ITPR1: variants seen among roughly 807,000 people sequenced by gnomAD.
ITPR1 encodes the protein inositol 1,4,5-trisphosphate receptor type 1.
Under a neutral mutation model 318.4 loss-of-function variants are expected in ITPR1, and 96 were observed. That is an observed-to-expected ratio of 0.30 (90% CI 0.26 to 0.36). The LOEUF (loss-of-function observed/expected upper bound fraction) is 0.36, where lower values mean the gene tolerates loss of function less well. Ranked by LOEUF, ITPR1 falls within the 10% of genes least tolerant of loss-of-function variation. The pLI is 1.00. For synonymous variants in ITPR1, 1,312 were observed against 1,289.9 expected (o/e 1.02, Z -0.37); for missense variants, 2,440 against 3,460.2 (o/e 0.71, Z 7.40).
At chr3:4,783,411 G>A (rs2046960615) in intron 50 of ITPR1, among the ~76,000 whole-genome samples, 1 of 152,104 alleles carries the variant, frequency 6.6e-6, no homozygotes, top group African/African-American at 2.4e-5. Context: ...TGGGCCCGAG[G>A]TTGGTGGGCC....
chr3:4,586,126 C>T (rs1041069516), intron 4 of ITPR1, among the ~76,000 whole-genome samples: 10 of 152,182 alleles, frequency 6.6e-5, no homozygotes, highest in Non-Finnish European at 1.2e-4. Context: ...CATAGTATTC[C>T]ATGGTGTATA....
intron 4 of ITPR1, among the ~76,000 whole-genome samples, chr3:4,527,470 C>T (rs2083074552): frequency 6.6e-6 from 1 of 152,208 alleles, no homozygotes; most frequent in South Asian, 2.1e-4. Context: ...CCACTGCACC[C>T]TGCCACACTT....
intron 13 of ITPR1, among the ~76,000 whole-genome samples, chr3:4,660,699 C>T (rs1374398763): frequency 2.0e-5 from 3 of 152,100 alleles, no homozygotes; most frequent in Non-Finnish European, 4.4e-5. Flanking sequence ...TCCTGTTGCT[C>T]TGTCTCATGC....
chr3:4,577,385 C>G (rs1371929870), intron 4 of ITPR1, among the ~76,000 whole-genome samples: 3 of 152,182 alleles, frequency 2.0e-5, no homozygotes, highest in Non-Finnish European at 4.4e-5. Context: ...TTCTGTAGGT[C>G]TAGAATAAAA....
chr3:4,712,698 T>G (rs961083745), intron 39 of ITPR1, among the ~76,000 whole-genome samples: 2 of 152,240 alleles, frequency 1.3e-5, no homozygotes, highest in Non-Finnish European at 2.9e-5. Flanking sequence ...AAATCGATGG[T>G]GGCAACCAGA....
chr3:4,551,345 C>G (rs1575502257), intron 4 of ITPR1, among the ~76,000 whole-genome samples: 1 of 152,282 alleles, frequency 6.6e-6, no homozygotes, highest in South Asian at 2.1e-4. Flanking sequence ...CTGGCCCTCA[C>G]TTTTGGTGCT....
chr3:4,700,531 G>A (rs1160963363), intron 35 of ITPR1, among the ~76,000 whole-genome samples: 5 of 152,182 alleles, frequency 3.3e-5, no homozygotes, highest in Admixed American at 2.0e-4. Context: ...GACCTGGAGA[G>A]AACACAAATA....
At chr3:4,652,633 A>C (rs914620103) in intron 11 of ITPR1, among the ~76,000 whole-genome samples, 1 of 152,188 alleles carries the variant, frequency 6.6e-6, no homozygotes, top group Admixed American at 6.5e-5. Context: ...CTTATAAAGA[A>C]ATTTGGCTAC....
At chr3:4,783,771 T>C in intron 50 of ITPR1, 45 bp from the exon 51 acceptor site, 1 of 1,389,118 alleles carries the variant, frequency 7.2e-7, no homozygotes, top group East Asian at 2.4e-5. Flanking sequence ...GTGTTCCTGT[T>C]GTGAAGAGAC....
At chr3:4,786,183 C>T (rs571223875) in intron 51 of ITPR1, among the ~76,000 whole-genome samples, 2 of 152,312 alleles carry the variant, frequency 1.3e-5, no homozygotes, top group African/African-American at 4.8e-5. Flanking sequence ...ATGAAGCAGG[C>T]AGGCTCTTGA....
chr3:4,650,645 GCGCGCGTC>G (rs2093575918), intron 10 of ITPR1, among the ~76,000 whole-genome samples: 19 of 51,662 alleles, frequency 3.7e-4, no homozygotes, highest in South Asian at 1.2e-3. Flanking sequence ...GTGTGTGTGT[GCGCGCGTC>G]TGTCTGTGTC....
intron 47 of ITPR1, among the ~76,000 whole-genome samples, chr3:4,776,372 G>C (rs530324086): frequency 2.6e-5 from 4 of 152,292 alleles, no homozygotes; most frequent in Non-Finnish European, 1.5e-5. Flanking sequence ...GCCCAGCCAA[G>C]TATGTTTTTT....
chr3:4,674,086 A>G, intron 21 of ITPR1, 116 bp from the exon 22 acceptor site: 1 of 728,188 alleles, frequency 1.4e-6, no homozygotes, highest in Non-Finnish European at 2.2e-6. Flanking sequence ...AAAATAAAGT[A>G]GGGTCAAGGG....
chr3:4,824,544 T>C (rs1008220741), intron 60 of ITPR1, among the ~76,000 whole-genome samples: 3 of 152,178 alleles, frequency 2.0e-5, no homozygotes, highest in African/African-American at 7.2e-5. Flanking sequence ...AGCCATTGGC[T>C]GGCTGGCGGC....
chr3:4,702,961 A>G lies in ITPR1; in HGVS notation c.4657+11A>G, dbSNP rs766917619. 5 of 1,613,042 alleles carry G rather than the reference A, an allele frequency of 3.1e-6. No individual in the cohort carries two copies. The East Asian group carries it at 1.1e-4, about 36-fold the overall frequency. ...TGCTGTCTGATGTAGGTAAGATACCAAGTCAGTTTGGATATACGTGATGAA... is the reference window on the plus strand; with the variant it reads ...TGCTGTCTGATGTAGGTAAGATACCGAGTCAGTTTGGATATACGTGATGAA... On this transcript the variant is annotated intron_variant, in intron 36 of 61. Transcript: ENST00000649015.
chr3:4,676,943 T>C (rs764303343), intron 24 of ITPR1, 142 bp downstream of exon 24: 87 of 630,976 alleles, frequency 1.4e-4, no homozygotes, highest in Admixed American at 3.5e-4. Flanking sequence ...GTGTCATTTA[T>C]GAGCTGGCTC....
chr3:4,556,540 A>T (rs1168232446), intron 4 of ITPR1, among the ~76,000 whole-genome samples: 1 of 150,914 alleles, frequency 6.6e-6, no homozygotes, highest in African/African-American at 2.4e-5. Flanking sequence ...TTTTTCCAGA[A>T]TGTGATAATG....
At chr3:4,514,771 G>C (rs1474027043) in intron 2 of ITPR1, among the ~76,000 whole-genome samples, 1 of 152,178 alleles carries the variant, frequency 6.6e-6, no homozygotes. Flanking sequence ...CTGACTTCCT[G>C]ACCCTTTAAG....
At chr3:4,584,451 T>C (rs938027529) in intron 4 of ITPR1, among the ~76,000 whole-genome samples, 1 of 152,098 alleles carries the variant, frequency 6.6e-6, no homozygotes, top group African/African-American at 2.4e-5. Flanking sequence ...AAGATAGTTA[T>C]ATTCTTTCTG....
Sources: gnomAD v4.1 joint callset for allele counts (sites outside exome capture counted in the v4.1 genomes callset) on GRCh38, gnomAD v4.1.1 for gene constraint, MANE v1.5 for transcripts, NCBI Gene and HGNC (gene_info 2026-07-23, HGNC 2026-07-21) for gene names.